Variants in RNF180 observed in about 807,000 individuals in gnomAD.
The protein encoded by RNF180 is E3 ubiquitin-protein ligase RNF180.
In RNF180, 38 loss-of-function variants were observed where a neutral mutation model predicts 59.2. The observed-to-expected ratio is 0.64, with a 90% CI of 0.50 to 0.84. RNF180 has a LOEUF of 0.84. RNF180 is among the 40% of genes least tolerant of loss of function. The pLI, the probability that RNF180 is intolerant of heterozygous loss-of-function variation, is 0.00. For synonymous variants in RNF180, 262 were observed against 240.3 expected (o/e 1.09, Z -0.84); for missense variants, 705 against 700.9 (o/e 1.01, Z -0.07).
intron 1 of RNF180, among the ~76,000 whole-genome samples, chr5:64,195,577 A>G (rs1213041544): frequency 6.6e-6 from 1 of 152,182 alleles, no homozygotes; most frequent in Non-Finnish European, 1.5e-5. Context: ...AATGAAACCA[A>G]TTTTACCATT....
Position 64,267,621 on chromosome 5 carries a change from A to C in RNF180, c.1227+50225A>C, listed in dbSNP as rs528727079. On this transcript the variant is annotated intron_variant, in intron 5 of 7. Coordinates refer to ENST00000389100, the MANE Select transcript of RNF180 (RefSeq NM_001113561.2). ...TGCGGTGTTTGGTTTTTTGTTCTTG[A>C]GATAGTTTACTGAGAATGATGGTTT... is the stretch of plus-strand genomic sequence containing the variant. Among the ~76,000 whole-genome samples, 28 of 151,072 alleles carry C rather than the reference A, an allele frequency of 1.9e-4. No homozygotes were observed. The East Asian group carries it at 5.3e-3, about 29-fold the overall frequency.
In RNF180 at chr5:64,324,662, C is replaced by T. The variant is rs191493647; in HGVS notation, c.1228-524C>T. ...ACTCTCAGTTTCTTTGCTTTGCTTT[C>T]CTCCTGACACCCCTTAGGCTTTGGC... On this transcript the variant is annotated intron_variant, in intron 5 of 7. Coordinates refer to ENST00000389100, the MANE Select transcript of RNF180 (RefSeq NM_001113561.2). Among the ~76,000 whole-genome samples the T allele has an allele frequency of 3.3e-3, 505 of 152,310 alleles. 2 individuals carry two copies. Among genetic ancestry groups the T allele is most frequent in the African/African-American group, 0.011 (457 of 41,564 alleles).
chr5:64,319,174 TA>T (rs67593090), intron 5 of RNF180, among the ~76,000 whole-genome samples: 26,791 of 134,336 alleles, frequency 0.2, 2,570 homozygotes, highest in Middle Eastern at 0.25. Context: ...AACTGTTGTT[TA>T]AAAAAAAAAA....
chr5:64,369,817 A>T lies in RNF180; in HGVS notation c.*3A>T. 6.9e-7 allele frequency: 1 copy of T among 1,446,872 alleles called. No individual in the cohort carries two copies. The highest frequency in any genetic ancestry group is 1.4e-5 in the South Asian group (1 of 70,462). The allele number at this position is 1,446,872 out of a possible 1,614,324, so 89.6% of individuals were successfully genotyped here. A position where few individuals can be genotyped will look rare whatever the true frequency, so the allele number is the denominator to read the frequency against. ...GCTATTTTTTCTTTCCGTTTTAGGA[A>T]TTTCATACCTTACTACAATTGACCA... is the stretch of plus-strand genomic sequence containing the variant. On this transcript the variant is annotated 3_prime_UTR_variant, in exon 8 of 8. Coordinates refer to ENST00000389100, the MANE Select transcript of RNF180 (RefSeq NM_001113561.2).
At chr5:64,207,685 A>G (rs1580001743) in intron 2 of RNF180, among the ~76,000 whole-genome samples, 2 of 152,100 alleles carry the variant, frequency 1.3e-5, no homozygotes, top group South Asian at 4.1e-4. Flanking sequence ...TTTTTAAGTG[A>G]GGCTTTCATT....
intron 5 of RNF180, among the ~76,000 whole-genome samples, chr5:64,296,660 A>G (rs1398905368): frequency 6.6e-6 from 1 of 150,880 alleles, no homozygotes; most frequent in Non-Finnish European, 1.5e-5. Context: ...CTAGGGTCAA[A>G]AAAAAAAAAG....
At chr5:64,233,189 G>C (rs189548263) in intron 5 of RNF180, among the ~76,000 whole-genome samples, 42 of 152,260 alleles carry the variant, frequency 2.8e-4, no homozygotes, top group Admixed American at 2.2e-3. Flanking sequence ...TTGTTGGTAA[G>C]ACTAAATTAA....
intron 5 of RNF180, among the ~76,000 whole-genome samples, chr5:64,244,474 C>T (rs542417476): frequency 3.3e-5 from 5 of 151,088 alleles, no homozygotes; most frequent in Non-Finnish European, 5.9e-5. Context: ...TCAATCAAGT[C>T]GAAGAAAGGA....
At chr5:64,243,684 C>T (rs950392112) in intron 5 of RNF180, among the ~76,000 whole-genome samples, 5 of 152,192 alleles carry the variant, frequency 3.3e-5, no homozygotes, top group African/African-American at 4.8e-5. Flanking sequence ...TGAAACGTTC[C>T]TGCCTGCCAG....
At chr5:64,184,102 A>G (rs1750753864) in intron 1 of RNF180, among the ~76,000 whole-genome samples, 1 of 152,216 alleles carries the variant, frequency 6.6e-6, no homozygotes, top group Non-Finnish European at 1.5e-5. Flanking sequence ...CAGAGGAAAG[A>G]TCATGTGAGG....
At chr5:64,353,269 G>A (rs1018187680) in intron 7 of RNF180, among the ~76,000 whole-genome samples, 3 of 151,402 alleles carry the variant, frequency 2.0e-5, no homozygotes, top group African/African-American at 7.3e-5. Context: ...CATTCATGTG[G>A]AAAAAATCCT....
intron 1 of RNF180, among the ~76,000 whole-genome samples, chr5:64,167,129 C>G (rs943942190): frequency 2.4e-4 from 37 of 152,102 alleles, no homozygotes; most frequent in African/African-American, 7.5e-4. Flanking sequence ...ACTGGCAGCC[C>G]AAAGATACTT....
At chr5:64,272,860 G>A (rs1741496630) in intron 5 of RNF180, among the ~76,000 whole-genome samples, 1 of 151,904 alleles carries the variant, frequency 6.6e-6, no homozygotes, top group South Asian at 2.1e-4. Context: ...ATGGAGAGAA[G>A]ATTGTGAGTT....
Position 64,251,475 on chromosome 5 carries a change from A to G in RNF180, c.1227+34079A>G, listed in dbSNP as rs186273306. Among the ~76,000 whole-genome samples, 186 of 152,312 alleles carry G rather than the reference A, an allele frequency of 1.2e-3. 2 individuals are homozygous for G. Among genetic ancestry groups the G allele is most frequent in the Admixed American group, 2.2e-3 (34 of 15,302 alleles). ...GAGGTAGGGTCTCATTCTGTTACCC[A>G]GGCTGGTGCCATCATTAGCTCACTG... On this transcript the variant is annotated intron_variant, in intron 5 of 7. Transcript: ENST00000389100.
At chr5:64,359,937 G>C (rs1208160363) in intron 7 of RNF180, among the ~76,000 whole-genome samples, 1 of 151,996 alleles carries the variant, frequency 6.6e-6, no homozygotes, top group Non-Finnish European at 1.5e-5. Flanking sequence ...TCAAAGATCA[G>C]ATAGTTGTAG....
intron 5 of RNF180, among the ~76,000 whole-genome samples, chr5:64,283,619 T>C (rs184514049): frequency 6.6e-6 from 1 of 152,282 alleles, no homozygotes; most frequent in African/African-American, 2.4e-5. Flanking sequence ...GAAGGAGTTC[T>C]CATGAGATCT....
chr5:64,300,287 C>A (rs907528926), intron 5 of RNF180, among the ~76,000 whole-genome samples: 10 of 151,716 alleles, frequency 6.6e-5, no homozygotes, highest in African/African-American at 2.4e-4. Flanking sequence ...GCTGTCACAC[C>A]TCAAATTGCG....
intron 3 of RNF180, among the ~76,000 whole-genome samples, chr5:64,212,516 A>G (rs1752365430): frequency 6.6e-6 from 1 of 152,178 alleles, no homozygotes; most frequent in East Asian, 1.9e-4. Flanking sequence ...TATAAGCACC[A>G]TGAAGTCAGG....
chr5:64,167,141 G>A (rs940465113), intron 1 of RNF180, among the ~76,000 whole-genome samples: 3 of 152,122 alleles, frequency 2.0e-5, no homozygotes, highest in African/African-American at 7.2e-5. Flanking sequence ...AAGATACTTT[G>A]GTGACAATGG....
Sources: gnomAD v4.1 joint callset for allele counts (sites outside exome capture counted in the v4.1 genomes callset) on GRCh38, gnomAD v4.1.1 for gene constraint, MANE v1.5 for transcripts, NCBI Gene and HGNC (gene_info 2026-07-23, HGNC 2026-07-21) for gene names.